The following NEURL4 variants were observed in gnomAD, a reference collection of about 807,000 sequenced individuals.
NEURL4 encodes neuralized-like protein 4.
In NEURL4, 45 loss-of-function variants were observed where a neutral mutation model predicts 148.0. The ratio of observed to expected loss-of-function variants is 0.30; its 90% CI spans 0.24 to 0.39. The LOEUF is 0.39. Among genes scored for constraint, NEURL4 ranks in the 10% least tolerant of loss-of-function variants. The pLI, the probability that NEURL4 is intolerant of heterozygous loss-of-function variation, is 1.00. For synonymous variants in NEURL4, 854 were observed against 869.0 expected, an observed-to-expected ratio of 0.98 and a Z score of 0.30; for missense variants, 1,776 against 2,144.0, an observed-to-expected ratio of 0.83 and a Z score of 3.39.
chr17:7,317,726 G>A (rs2072969413), intron 26 of NEURL4, 62 bp downstream of exon 26: 10 of 1,599,340 alleles, frequency 6.3e-6, no homozygotes, highest in Admixed American at 1.7e-5. Context: ...GCACCCTCTT[G>A]GGATCCCCGT....
chr17:7,327,922 C>A lies in NEURL4; in HGVS notation c.283-38G>T, dbSNP rs1468077375. On this transcript the variant is annotated intron_variant, in intron 1 of 28. Transcript: ENST00000399464. The surrounding 1 kb of genome is among the most constrained non-coding windows in gnomAD (Gnocchi z 6.6). ...TATTGGACAGAGGCTTAGAATGGGC[C>A]ACCCCCCATTCCACAGGCCACCATA... 3 of 1,475,820 alleles carry A rather than the reference C, an allele frequency of 2.0e-6. No homozygotes were observed. The African/African-American group carries it at 4.2e-5, about 21-fold the overall frequency. The allele number at this position is 1,475,820 out of a possible 1,614,324, so 91.4% of individuals were successfully genotyped here. A position where few individuals can be genotyped will look rare whatever the true frequency, so the allele number is the denominator to read the frequency against.
chr17:7,323,336 G>T, intron 14 of NEURL4, 149 bp downstream of exon 14: 1 of 971,168 alleles, frequency 1.0e-6, no homozygotes, highest in Non-Finnish European at 1.6e-6. Flanking sequence ...TGTGGGCCTG[G>T]GCAGGACTTC....
At chr17:7,320,426 C>T (rs2073016145) in intron 21 of NEURL4, among the ~76,000 whole-genome samples, 4 of 152,182 alleles carry the variant, frequency 2.6e-5, no homozygotes, top group South Asian at 2.1e-4. Flanking sequence ...TGAGCCACCG[C>T]ACCCGGGCTC....
At position 7,316,119 on chromosome 17, in the gene NEURL4, C is replaced by G; in HGVS notation, c.*4G>C. The G allele has an allele frequency of 7.0e-7, 1 of 1,434,828 alleles. No homozygotes were observed. The highest frequency in any genetic ancestry group is 1.4e-5 in the African/African-American group (1 of 71,472). The allele number at this position is 1,434,828 out of a possible 1,614,324, so 88.9% of individuals were successfully genotyped here. On this transcript the variant is annotated 3_prime_UTR_variant, in exon 29 of 29. Transcript: ENST00000399464. ...CTGTGCTTGTAGTAGTGGTGTCTCA[C>G]CCCTCATTCCACCCGTACCAGCAGG...
Position 7,317,855 on chromosome 17 carries a change from G to A in NEURL4, c.4138C>T (p.His1380Tyr), listed in dbSNP as rs1597629668. 5 of 1,614,146 alleles carry A rather than the reference G, an allele frequency of 3.1e-6. No homozygotes were observed. In the East Asian group the frequency reaches 8.9e-5, roughly 29 times the overall value. The change falls in exon 26 of 29, where the codon CAC (histidine) becomes TAC (tyrosine). Residue 1380 changes from histidine to tyrosine, a missense_variant. His to Tyr is a moderately conservative substitution (Grantham distance 83). Transcript: ENST00000399464. ...CGGGGAGGCTCCCCTCTGCGCCTGT[G>A]GGCCTCGTCTCCTCGCAGCTTCCGG... ...SCRKLRGDEA[H>Y]RRRGEPPREY...
At position 7,321,396 on chromosome 17, in the gene NEURL4, CTCCA is replaced by C. The variant is rs1353963131; in HGVS notation, c.3159_3162del (p.Asp1053GlufsTer125). On this transcript the variant is annotated frameshift_variant, in exon 19 of 29. Coordinates refer to ENST00000399464, the MANE Select transcript of NEURL4 (RefSeq NM_032442.3). LOFTEE classifies it high-confidence loss of function. The surrounding 1 kb of genome is among the most constrained non-coding windows in gnomAD (Gnocchi z 6.3). ...CCAGTGGCTGCAGGCCCCATATCCTCTCCATCCACCAGGATGTGCATCGTGTCAT... is the reference window on the plus strand; with the variant it reads ...CCAGTGGCTGCAGGCCCCATATCCTCTCCACCAGGATGTGCATCGTGTCAT... 6.2e-7 allele frequency: 1 copy of C among 1,614,190 alleles called. No individual in the cohort carries two copies. Among genetic ancestry groups the C allele is most frequent in the Admixed American group, 1.7e-5 (1 of 60,030 alleles).
At position 7,322,936 on chromosome 17, in the gene NEURL4, CCA is replaced by C. The variant is rs1488592045; in HGVS notation, c.2593+10_2593+11del. The stretch of plus-strand genomic sequence containing the variant: ...TGGGCTGAGGGTGGCAGGCTGAAAG[CCA>C]CATAGTCACCTTTACCCGGAGGCAG... On this transcript the variant is annotated intron_variant, in intron 15 of 28. Transcript: ENST00000399464. The surrounding 1 kb of genome is among the most constrained non-coding windows in gnomAD (Gnocchi z 5.5). 2 of 1,612,028 alleles carry C rather than the reference CCA, an allele frequency of 1.2e-6. No individual in the cohort carries two copies. The highest frequency in any genetic ancestry group is 1.3e-5 in the African/African-American group (1 of 74,888).
Position 7,326,658 on chromosome 17 carries a change from C to T in NEURL4, c.1092+53G>A. 1 of 1,604,068 alleles carries T rather than the reference C, an allele frequency of 6.2e-7. No individual in the cohort carries two copies. Among genetic ancestry groups the T allele is most frequent in the Non-Finnish European group, 8.5e-7 (1 of 1,174,152 alleles). On this transcript the variant is annotated intron_variant, in intron 4 of 28. Coordinates refer to ENST00000399464, the MANE Select transcript of NEURL4 (RefSeq NM_032442.3). This position sits in a 1 kb window ranked among gnomAD's most constrained non-coding sequence, Gnocchi z 6.0. ...CCTCCTAGCACCAAGGGTCAATCCCCATCTTTAGCTCCCAGGGATAAGGCG... is the reference window on the plus strand; with the variant it reads ...CCTCCTAGCACCAAGGGTCAATCCCTATCTTTAGCTCCCAGGGATAAGGCG...
Position 7,321,201 on chromosome 17 carries a change from C to A in NEURL4, c.3271G>T (p.Glu1091Ter). ...GAAGGAGGCTGGGTGCCTTCTGACT[C>A]CTCCAGTCTCGTGGAACTGACAATT... ...VSIVSSTRLE[E>*]SEGTQPPSPS... The change falls in exon 20 of 29, where the codon GAG (glutamate) becomes TAG (stop). Residue 1091 changes from glutamate to a stop codon, truncating the protein, a stop_gained. Transcript: ENST00000399464. LOFTEE classifies it high-confidence loss of function. This position sits in a 1 kb window ranked among gnomAD's most constrained non-coding sequence, Gnocchi z 6.3. The A allele has an allele frequency of 6.2e-7, 1 of 1,614,034 alleles. No homozygotes were observed. The highest frequency in any genetic ancestry group is 2.2e-5 in the East Asian group (1 of 44,882).
At position 7,318,641 on chromosome 17, in the gene NEURL4, A is replaced by T. The variant is rs1263393268; in HGVS notation, c.3718T>A (p.Cys1240Ser). 2 of 1,612,626 alleles carry T rather than the reference A, an allele frequency of 1.2e-6. No individual in the cohort carries two copies. The highest frequency in any genetic ancestry group is 1.1e-5 in the South Asian group (1 of 90,952). Residue 1240 changes from cysteine to serine, a missense_variant, in exon 23 of 29, where the codon TGC (cysteine) becomes AGC (serine). Cys to Ser is a moderately radical substitution (Grantham distance 112). Transcript: ENST00000399464. The surrounding 1 kb of genome is among the most constrained non-coding windows in gnomAD (Gnocchi z 4.3). ...CEKFGPNLDT[C>S]PEGTILGLRL... ...AGTCCCAGGATGGTGCCTTCAGGGC[A>T]CGTGTCCAGATTGGGCCCAAACTTC...
At position 7,325,256 on chromosome 17, in the gene NEURL4, C is replaced by T; in HGVS notation, c.1584G>A (p.Gly528=). 3 of 1,606,336 alleles carry T rather than the reference C, an allele frequency of 1.9e-6. No individual in the cohort carries two copies. The highest frequency in any genetic ancestry group is 2.5e-6 in the Non-Finnish European group (3 of 1,177,400). The change falls in exon 8 of 29, where the codon GGG becomes GGA. Residue 528 remains glycine, a synonymous_variant. Coordinates refer to ENST00000399464, the MANE Select transcript of NEURL4 (RefSeq NM_032442.3). ...PERLLFHPNC[G]QKAAITHEGR... is the part of the protein sequence containing the mutation. ...CCTCGTGGGTGATGGCTGCCTTCTG[C>T]CCACAGTTGGGGTGGAAGAGCAGGC...
chr17:7,318,476 TG>T lies in NEURL4; in HGVS notation c.3864+18del. ...CAGACTCTCAGGCACCCCTCCTCCC[TG>T]CCCCCACTGCCACTAACCTGCTCAC... On this transcript the variant is annotated intron_variant, in intron 23 of 28. Transcript: ENST00000399464. The surrounding 1 kb of genome is among the most constrained non-coding windows in gnomAD (Gnocchi z 4.3). 1 of 1,600,178 alleles carries T rather than the reference TG, an allele frequency of 6.2e-7. No homozygotes were observed. The highest frequency in any genetic ancestry group is 8.5e-7 in the Non-Finnish European group (1 of 1,171,546).
Position 7,323,934 on chromosome 17 carries a change from C to T in NEURL4, c.2141G>A (p.Gly714Asp), listed in dbSNP as rs1282757587. The T allele has an allele frequency of 6.2e-7, 1 of 1,612,958 alleles. No homozygotes were observed. Among genetic ancestry groups the T allele is most frequent in the Non-Finnish European group, 8.5e-7 (1 of 1,179,906 alleles). ...CAGCTGATGGAAGCGCAGGTCAGAG[C>T]CCCCGGCCCCTGAGGACGGAGAGCT... is the stretch of plus-strand genomic sequence containing the variant. ...SPSSPSSGAG[G>D]SDLRFHQLHG... The change falls in exon 12 of 29, where the codon GGC becomes GAC. Residue 714 changes from glycine to aspartate, a missense_variant. Gly to Asp is a moderately conservative substitution (Grantham distance 94). Transcript: ENST00000399464.
rs530629674 is a variant in NEURL4 at position 7,323,715 on chromosome 17, C to T, written c.2270G>A (p.Arg757Gln). Residue 757 changes from arginine (R) to glutamine (Q), a missense_variant, in exon 13 of 29, where the codon CGG (arginine) becomes CAG (glutamine). Coordinates refer to ENST00000399464, the MANE Select transcript of NEURL4 (RefSeq NM_032442.3). ...GACAATTTCAAACAGCTCTCCATCC[C>T]GCAGGGCCCTGCCAGGAGACTGGCG... Reference protein sequence around the residue: ...DAIVISNRALRDGELFEIVIQ... With the variant: ...DAIVISNRALQDGELFEIVIQ... 50 of 1,614,042 alleles carry T rather than the reference C, an allele frequency of 3.1e-5. No homozygotes were observed. Among genetic ancestry groups the T allele is most frequent in the East Asian group, 1.1e-4 (5 of 44,868 alleles).
At position 7,321,730 on chromosome 17, in the gene NEURL4, T is replaced by C. The variant is rs1268904219; in HGVS notation, c.2929A>G (p.Thr977Ala). The C allele has an allele frequency of 2.5e-6, 4 of 1,613,608 alleles. No homozygotes were observed. Among genetic ancestry groups the C allele is most frequent in the Non-Finnish European group, 3.4e-6 (4 of 1,180,044 alleles). Residue 977 changes from threonine (T) to alanine (A), a missense_variant, in exon 18 of 29, where the codon ACA becomes GCA. Physicochemically the swap from Thr to Ala is moderately conservative, Grantham distance 58 (BLOSUM62 0). Transcript: ENST00000399464. This position sits in a 1 kb window ranked among gnomAD's most constrained non-coding sequence, Gnocchi z 6.3. ...WAGSLRLGLT[T>A]LAPGEMGPGA... ...GGTCCCATCTCCCCCGGTGCTAGTG[T>C]GGTCAGCCCCAGCCGCAGGGAACCT...
Position 7,326,314 on chromosome 17 carries a change from G to A in NEURL4, c.1234C>T (p.Leu412=), listed in dbSNP as rs2073102630. 3 of 1,614,056 alleles carry A rather than the reference G, an allele frequency of 1.9e-6. No homozygotes were observed. Among genetic ancestry groups the A allele is most frequent in the Non-Finnish European group, 2.5e-6 (3 of 1,180,020 alleles). The stretch of plus-strand genomic sequence containing the variant: ...CGGCGGGTGCCCTTGCCATTGGTCA[G>A]GATTCCACAGCCGCTCATCATGATG... ...GTIMMSGCGI[L]TNGKGTRREY... The change falls in exon 6 of 29, where the codon CTG becomes TTG. Residue 412 remains leucine, a synonymous_variant. Transcript: ENST00000399464. The surrounding 1 kb of genome is among the most constrained non-coding windows in gnomAD (Gnocchi z 6.0).
chr17:7,321,585 T>C lies in NEURL4; in HGVS notation c.3074A>G (p.Tyr1025Cys). ...CCCCAGCCTCTCTAGGTTCCGGCCA[T>C]AGTTCATCCTCTGGAGCTGCCCATC... is the stretch of plus-strand genomic sequence containing the variant. The part of the protein sequence containing the change: ...RRDGQLQRMN[Y>C]GRNLERLGVG... The change falls in exon 18 of 29, where the codon TAT (tyrosine) becomes TGT (cysteine). Residue 1025 changes from tyrosine (Y) to cysteine (C), a missense_variant. Transcript: ENST00000399464. The surrounding 1 kb of genome is among the most constrained non-coding windows in gnomAD (Gnocchi z 6.3). 5.0e-6 allele frequency: 8 copies of C among 1,614,078 alleles called. No individual in the cohort carries two copies. Among genetic ancestry groups the C allele is most frequent in the Non-Finnish European group, 5.9e-6 (7 of 1,180,012 alleles).
Position 7,326,327 on chromosome 17 carries a change from G to A in NEURL4, c.1221C>T (p.Ser407=), listed in dbSNP as rs771209373. Residue 407 remains serine, a synonymous_variant, in exon 6 of 29, where the codon AGC becomes AGT. Transcript: ENST00000399464. This position sits in a 1 kb window ranked among gnomAD's most constrained non-coding sequence, Gnocchi z 6.0. Reference sequence around the variant, plus strand: ...TGCCATTGGTCAGGATTCCACAGCCGCTCATCATGATGGTGCCTGGGTGAT... The same window carrying A: ...TGCCATTGGTCAGGATTCCACAGCCACTCATCATGATGGTGCCTGGGTGAT... The part of the protein sequence containing the change: ...TNLQSGTIMM[S]GCGILTNGKG... The A allele has an allele frequency of 5.0e-6, 8 of 1,613,990 alleles. No homozygotes were observed. Among genetic ancestry groups the A allele is most frequent in the African/African-American group, 2.7e-5 (2 of 74,906 alleles).
In NEURL4 at chr17:7,321,144, C is replaced by T. The variant is rs2073027607; in HGVS notation, c.3328G>A (p.Glu1110Lys). ...PSSDTGSEGEEDDEGEEHGLG... is the reference protein window; with the variant it reads ...PSSDTGSEGEKDDEGEEHGLG... ...CCATGCTCCTCGCCCTCGTCATCCT[C>T]CTCGCCCTCACTGCCGGTGTCTGAA... The change falls in exon 20 of 29, where the codon GAG (glutamate) becomes AAG (lysine). Residue 1110 changes from glutamate (E) to lysine (K), a missense_variant. By Grantham distance (56) the Glu-to-Lys change is moderately conservative. Transcript: ENST00000399464. This position sits in a 1 kb window ranked among gnomAD's most constrained non-coding sequence, Gnocchi z 6.3. 6.2e-7 allele frequency: 1 copy of T among 1,613,848 alleles called. No homozygotes were observed. Among genetic ancestry groups the T allele is most frequent in the Non-Finnish European group, 8.5e-7 (1 of 1,180,034 alleles).
Sources: gnomAD v4.1 joint callset for allele counts (sites outside exome capture counted in the v4.1 genomes callset) on GRCh38, gnomAD v4.1.1 for gene constraint, Gnocchi (gnomAD v3.1) non-coding constraint, MANE v1.5 for transcripts, NCBI Gene and HGNC (gene_info 2026-07-23, HGNC 2026-07-21) for gene names.